Variants in DPP6 observed in about 807,000 individuals in gnomAD.
The protein encoded by DPP6 is dipeptidyl peptidase like 6.
DPP6 carries 69 observed loss-of-function variants against 122.6 expected under a neutral mutation model. The ratio of observed to expected loss-of-function variants is 0.56; its 90% CI spans 0.46 to 0.69. The LOEUF (loss-of-function observed/expected upper bound fraction) is 0.69. DPP6 is among the 30% of genes least tolerant of loss of function. DPP6 has a pLI of 0.00. For synonymous variants in DPP6, 418 were observed against 433.1 expected (o/e 0.97, Z 0.43); for missense variants, 928 against 1,116.9 (o/e 0.83, Z 2.41).
chr7:154,381,276 G>A lies in DPP6; in HGVS notation c.244-64938G>A, dbSNP rs574718033. Among the ~76,000 whole-genome samples, 3 of 152,330 alleles carry A rather than the reference G, an allele frequency of 2.0e-5. No homozygotes were observed. The East Asian group carries it at 5.8e-4, about 29-fold the overall frequency. ...TCCTGGCCCCGTCTGACTCGCCTTAGGGGGTGCCTTTTACTCCGTTGTGTA... is the reference window on the plus strand; with the variant it reads ...TCCTGGCCCCGTCTGACTCGCCTTAAGGGGTGCCTTTTACTCCGTTGTGTA... On this transcript the variant is annotated intron_variant, in intron 1 of 25. Transcript: ENST00000377770.
Position 154,616,074 on chromosome 7 carries a change from C to T in DPP6, c.628-21747C>T, listed in dbSNP as rs536800025. On this transcript the variant is annotated intron_variant, in intron 5 of 25. Coordinates refer to ENST00000377770, the MANE Select transcript of DPP6 (RefSeq NM_130797.4). ...GGAGATTTTTGATAAGAACAGGAGG[C>T]GGCCAGCTCAGCTTCCTGGGATGAT... Among the ~76,000 whole-genome samples, 5 of 152,266 alleles carry T rather than the reference C, an allele frequency of 3.3e-5. No homozygotes were observed. In the East Asian group the frequency reaches 5.8e-4, roughly 18 times the overall value.
At chr7:154,058,709 C>G (rs541820055) in intron 1 of DPP6, 2 of 147,932 alleles carry the variant, frequency 1.4e-5, no homozygotes, top group South Asian at 4.3e-4. Context: ...TCAAATCTTC[C>G]GACGGCAGGT....
At chr7:154,651,115 T>G (rs1414626932) in intron 6 of DPP6, among the ~76,000 whole-genome samples, 1 of 152,098 alleles carries the variant, frequency 6.6e-6, no homozygotes, top group Non-Finnish European at 1.5e-5. Context: ...TAGCTTCCAG[T>G]ATAGCACTAG....
At chr7:153,891,146 C>A (rs951255626) in intron 1 of DPP6, among the ~76,000 whole-genome samples, 6 of 151,070 alleles carry the variant, frequency 4.0e-5, no homozygotes, top group African/African-American at 1.5e-4. Context: ...CTCAGCCTCC[C>A]CAGTAGCTAG....
chr7:154,731,177 C>T (rs183838218), intron 8 of DPP6, among the ~76,000 whole-genome samples: 4 of 152,106 alleles, frequency 2.6e-5, no homozygotes, highest in African/African-American at 9.6e-5. Context: ...CAATTCCAAA[C>T]ACTTCCTTTA....
chr7:154,472,118 T>C (rs900950455), intron 2 of DPP6, among the ~76,000 whole-genome samples: 26 of 152,336 alleles, frequency 1.7e-4, no homozygotes, highest in African/African-American at 5.8e-4. Context: ...GCAGGAGCCA[T>C]ATTGTATGAG....
chr7:154,801,546 T>C (rs1282203586), intron 13 of DPP6, 84 bp downstream of exon 13: 38 of 1,457,740 alleles, frequency 2.6e-5, no homozygotes, highest in Non-Finnish European at 3.4e-5. Flanking sequence ...CTGGGCACAC[T>C]TGCGTTTTCG....
intron 1 of DPP6, among the ~76,000 whole-genome samples, chr7:153,938,464 T>C (rs188871865): frequency 1.3e-5 from 2 of 152,262 alleles, no homozygotes; most frequent in Non-Finnish European, 1.5e-5. Flanking sequence ...AGCAAAGAAG[T>C]TGACATTTAG....
rs147959898 is a variant in DPP6, at chr7:154,280,188, G to GTTT, written c.244-166021_244-166019dup. On this transcript the variant is annotated intron_variant, in intron 1 of 25. Coordinates refer to ENST00000377770, the MANE Select transcript of DPP6 (RefSeq NM_130797.4). ...AAGCAGCATATTTAATGTTTTTACT[G>GTTT]TTTTTTTATAAAAAAAGGTTTCTAT... Among the ~76,000 whole-genome samples, 999 of 152,070 alleles carry GTTT rather than the reference G, an allele frequency of 6.6e-3. 16 individuals are homozygous for GTTT. Among genetic ancestry groups the GTTT allele is most frequent in the African/African-American group, 0.022 (918 of 41,474 alleles).
chr7:154,476,686 A>T (rs1395213604), intron 3 of DPP6, among the ~76,000 whole-genome samples: 1 of 152,232 alleles, frequency 6.6e-6, no homozygotes, highest in Non-Finnish European at 1.5e-5. Context: ...CCCTGGAAGA[A>T]TGTTAGGTCT....
chr7:154,356,520 A>G (rs1811278821), intron 1 of DPP6, among the ~76,000 whole-genome samples: 1 of 151,976 alleles, frequency 6.6e-6, no homozygotes, highest in Non-Finnish European at 1.5e-5. Flanking sequence ...GTGAGCTGTG[A>G]TTGTACCACT....
intron 1 of DPP6, among the ~76,000 whole-genome samples, chr7:154,370,279 G>A (rs142647612): frequency 1.2e-3 from 177 of 152,110 alleles, no homozygotes; most frequent in African/African-American, 4.1e-3. Flanking sequence ...CACCACGCTG[G>A]GCTGGATATA....
chr7:153,845,837 T>C, the DPP6 span, among the ~76,000 whole-genome samples: 17 of 152,296 alleles, frequency 1.1e-4, 1 homozygote, highest in Admixed American at 9.8e-4. Flanking sequence ...CTATTTTAAC[T>C]CTAATCATAT....
chr7:153,826,750 G>C, the DPP6 span, among the ~76,000 whole-genome samples: 6 of 151,878 alleles, frequency 4.0e-5, no homozygotes, highest in African/African-American at 1.5e-4. Flanking sequence ...TGTTATTGGA[G>C]GAAAAAATAG....
At chr7:154,098,326 A>G (rs746776276) in intron 1 of DPP6, among the ~76,000 whole-genome samples, 13 of 152,198 alleles carry the variant, frequency 8.5e-5, no homozygotes, top group Non-Finnish European at 1.9e-4. Context: ...CTCCCCAGCC[A>G]TGCTGAACTG....
intron 3 of DPP6, among the ~76,000 whole-genome samples, chr7:154,491,067 G>T (rs984926441): frequency 1.3e-5 from 2 of 152,174 alleles, no homozygotes; most frequent in Non-Finnish European, 2.9e-5. Flanking sequence ...TGACATCAGA[G>T]GGGTGCATGG....
intron 8 of DPP6, among the ~76,000 whole-genome samples, chr7:154,758,319 C>T (rs1437979209): frequency 1.3e-5 from 2 of 152,032 alleles, no homozygotes; most frequent in African/African-American, 4.8e-5. Flanking sequence ...GACCACATGC[C>T]TTGTATGTCC....
At chr7:154,294,924 TAAAC>T (rs897512277) in intron 1 of DPP6, among the ~76,000 whole-genome samples, 20 of 152,142 alleles carry the variant, frequency 1.3e-4, no homozygotes, top group South Asian at 4.2e-4. Flanking sequence ...TAAAAAAACA[TAAAC>T]AAGGCATCTG....
At chr7:154,336,238 C>T (rs568896056) in intron 1 of DPP6, among the ~76,000 whole-genome samples, 25 of 152,132 alleles carry the variant, frequency 1.6e-4, no homozygotes, top group Non-Finnish European at 2.9e-4. Flanking sequence ...AAGGAAGTCT[C>T]AGTGATCTGT....
Sources: gnomAD v4.1 joint callset for allele counts (sites outside exome capture counted in the v4.1 genomes callset) on GRCh38, gnomAD v4.1.1 for gene constraint, MANE v1.5 for transcripts, NCBI Gene and HGNC (gene_info 2026-07-23, HGNC 2026-07-21) for gene names.